The following MOSMO variants were observed in gnomAD, a reference collection of about 807,000 sequenced individuals.
MOSMO encodes modulator of smoothened.
In MOSMO, 5 loss-of-function variants were observed where a neutral mutation model predicts 18.4. The observed-to-expected ratio is 0.27, with a 90% CI of 0.14 to 0.57. MOSMO has a LOEUF of 0.57. Among genes scored for constraint, MOSMO ranks in the 20% least tolerant of loss-of-function variants. The pLI is 0.92. For synonymous variants in MOSMO, 82 were observed against 82.3 expected, an observed-to-expected ratio of 1.00 and a Z score of 0.02; for missense variants, 138 against 211.8, an observed-to-expected ratio of 0.65 and a Z score of 2.16.
rs1449315380 is a variant in MOSMO, at chr16:22,081,671, T to C, written c.*791T>C. ...GTGTGTAAATTTATATACACACACA[T>C]GCAAACAGTTCCTGGAAGAGAATTC... On this transcript the variant is annotated 3_prime_UTR_variant, in exon 3 of 3. Coordinates refer to ENST00000542527, the MANE Select transcript of MOSMO (RefSeq NM_001164579.2). 6.6e-6 allele frequency: 1 copy of C among 150,816 alleles called. No individual in the cohort carries two copies. The highest frequency in any genetic ancestry group is 1.9e-4 in the East Asian group (1 of 5,184). 9.3% of individuals were successfully genotyped at this position (150,816 alleles called of 1,614,324 possible).
intron 1 of MOSMO, among the ~76,000 whole-genome samples, chr16:22,038,826 C>G (rs538495123): frequency 6.6e-6 from 1 of 152,120 alleles, no homozygotes; most frequent in Non-Finnish European, 1.5e-5. Context: ...GTACTTTTAT[C>G]CAGCAGAGTT....
chr16:22,009,851 G>A (rs1001197358), intron 1 of MOSMO, among the ~76,000 whole-genome samples: 3 of 141,084 alleles, frequency 2.1e-5, no homozygotes, highest in South Asian at 2.3e-4. Context: ...AATTAGCCGG[G>A]CATGGTGGCG....
At chr16:22,064,516 AT>A (rs930384595) in intron 1 of MOSMO, 4 of 432,488 alleles carry the variant, frequency 9.2e-6, no homozygotes, top group African/African-American at 4.0e-5. Flanking sequence ...AAATGCAGAC[AT>A]TGTAATTTAA....
At chr16:22,036,602 C>T (rs9938040) in intron 1 of MOSMO, among the ~76,000 whole-genome samples, 4,596 of 152,134 alleles carry the variant, frequency 0.03, 246 homozygotes, top group African/African-American at 0.11. Flanking sequence ...TGTGCACTAC[C>T]GTGCCCAGCT....
At chr16:22,075,885 C>T in intron 2 of MOSMO, 186 bp downstream of exon 2, 1 of 541,052 alleles carries the variant, frequency 1.8e-6, no homozygotes, top group Non-Finnish European at 3.3e-6. Flanking sequence ...AAGACCAGGA[C>T]ATCCACAACT....
At chr16:22,085,460 T>G (rs1901153681), downstream of MOSMO, among the ~76,000 whole-genome samples, 1 of 152,200 alleles carries the variant, frequency 6.6e-6, no homozygotes, top group African/African-American at 2.4e-5. Flanking sequence ...GGTTATTTTC[T>G]ATAAACATTA....
At chr16:22,038,061 T>A (rs923631636) in intron 1 of MOSMO, among the ~76,000 whole-genome samples, 1 of 152,156 alleles carries the variant, frequency 6.6e-6, no homozygotes, top group Non-Finnish European at 1.5e-5. Context: ...TGAAGCTACA[T>A]AGGGGCTGCC....
In MOSMO at chr16:22,075,676, C is replaced by T. The variant is rs1900952428; in HGVS notation, c.296C>T (p.Ala99Val). ...SHWRREATKY[A>V]RWIAFTGMIL... is the part of the protein sequence containing the mutation. ...TGGCGAAGAGAAGCTACAAAATATG[C>T]TCGATGGATAGCATTCACTGGAAGT... Residue 99 changes from alanine (A) to valine (V), a missense_variant, in exon 2 of 3, where the codon GCT becomes GTT. Transcript: ENST00000542527. 1 of 1,537,260 alleles carries T rather than the reference C, an allele frequency of 6.5e-7. No individual in the cohort carries two copies. The highest frequency in any genetic ancestry group is 8.7e-7 in the Non-Finnish European group (1 of 1,146,866).
intron 1 of MOSMO, among the ~76,000 whole-genome samples, chr16:22,036,948 T>A (rs1007594821): frequency 1.3e-5 from 2 of 152,146 alleles, no homozygotes; most frequent in South Asian, 4.1e-4. Context: ...CAGACTAGGA[T>A]TGGAGATACA....
Position 22,054,180 on chromosome 16 carries a change from C to T in MOSMO, c.107-21307C>T, listed in dbSNP as rs148588267. On this transcript the variant is annotated intron_variant, in intron 1 of 2. Coordinates refer to ENST00000542527, the MANE Select transcript of MOSMO (RefSeq NM_001164579.2). ...GTGGGATCTTAGCTCACTGCAGTCT[C>T]GATCCCCAGGGCTTAGGTCATCTTT... Among the ~76,000 whole-genome samples, 32 of 152,012 alleles carry T rather than the reference C, an allele frequency of 2.1e-4. 1 individual carries two copies. In the East Asian group the frequency reaches 5.8e-3, roughly 28 times the overall value.
At chr16:22,045,881 T>C (rs1195789674) in intron 1 of MOSMO, among the ~76,000 whole-genome samples, 12 of 118,074 alleles carry the variant, frequency 1.0e-4, no homozygotes, top group Non-Finnish European at 2.1e-4. Context: ...ACTAGAACTC[T>C]TTTTTTTTTT....
At chr16:22,076,444 G>A (rs1900969466) in intron 2 of MOSMO, 1 of 152,174 alleles carries the variant, frequency 6.6e-6, no homozygotes, top group Non-Finnish European at 1.5e-5. Flanking sequence ...GATGCTGGTG[G>A]GTAGAGGCAG....
At chr16:22,088,256 TCTC>T (rs1259708081), downstream of MOSMO, among the ~76,000 whole-genome samples, 19 of 152,130 alleles carry the variant, frequency 1.2e-4, no homozygotes, top group Non-Finnish European at 2.4e-4. Flanking sequence ...CGTCTCCCAG[TCTC>T]CTCCTGCCTT....
intron 1 of MOSMO, among the ~76,000 whole-genome samples, chr16:22,029,676 A>G (rs1163665993): frequency 6.6e-6 from 1 of 152,164 alleles, no homozygotes; most frequent in Non-Finnish European, 1.5e-5. Flanking sequence ...CCCAGCCTGG[A>G]GTACAGTGGT....
chr16:22,032,895 T>C (rs1186710260), intron 1 of MOSMO, among the ~76,000 whole-genome samples: 1 of 152,174 alleles, frequency 6.6e-6, no homozygotes, highest in Non-Finnish European at 1.5e-5. Context: ...ACTCATTCTT[T>C]TGCATGTGAA....
intron 1 of MOSMO, among the ~76,000 whole-genome samples, chr16:22,044,919 T>G (rs1900277837): frequency 6.6e-6 from 1 of 151,918 alleles, no homozygotes; most frequent in African/African-American, 2.4e-5. Flanking sequence ...CTCACACATG[T>G]AATCCCAACA....
chr16:22,090,239 A>T (rs1440401018), downstream of MOSMO: 2 of 152,236 alleles, frequency 1.3e-5, no homozygotes, highest in Non-Finnish European at 2.9e-5. Flanking sequence ...CCATCCTAGA[A>T]GAAAGGAAGC....
At chr16:22,078,854 C>T (rs1379426595) in intron 2 of MOSMO, among the ~76,000 whole-genome samples, 1 of 152,006 alleles carries the variant, frequency 6.6e-6, no homozygotes, top group Non-Finnish European at 1.5e-5. Flanking sequence ...TTGTTGCTGA[C>T]TATGCAACAA....
intron 1 of MOSMO, among the ~76,000 whole-genome samples, chr16:22,071,348 G>A (rs1373851168): frequency 6.6e-6 from 1 of 152,154 alleles, no homozygotes; most frequent in African/African-American, 2.4e-5. Context: ...ATGGGAAAAC[G>A]CTCTCTCTGG....
Sources: gnomAD v4.1 joint callset for allele counts (sites outside exome capture counted in the v4.1 genomes callset) on GRCh38, gnomAD v4.1.1 for gene constraint, MANE v1.5 for transcripts, NCBI Gene and HGNC (gene_info 2026-07-23, HGNC 2026-07-21) for gene names.